Variants in METTL15 observed in about 807,000 individuals in gnomAD.
The protein encoded by METTL15 is 12S rRNA N(4)-cytidine methyltransferase METTL15.
METTL15 carries 34 observed loss-of-function variants against 38.3 expected under a neutral mutation model. That is an observed-to-expected ratio of 0.89 (90% CI 0.68 to 1.18). The LOEUF is 1.18. Ranked by LOEUF, METTL15 falls within the 50% of genes most tolerant of loss-of-function variation. The probability of loss-of-function intolerance (pLI) is 0.00; values close to 1 mark genes in which losing one functional copy is unlikely to be tolerated. For missense variants in METTL15, 438 were observed against 498.4 expected (o/e 0.88, Z 1.15); for synonymous variants, 162 against 170.9 (o/e 0.95, Z 0.41).
chr11:28,486,300 C>T (rs957316692), intron 6 of METTL15, among the ~76,000 whole-genome samples: 4 of 151,946 alleles, frequency 2.6e-5, no homozygotes, highest in Non-Finnish European at 4.4e-5. Flanking sequence ...TGGGAGCCTT[C>T]GGTAGTCCTG....
chr11:28,175,960 A>T (rs529255042), intron 3 of METTL15, among the ~76,000 whole-genome samples: 1 of 152,088 alleles, frequency 6.6e-6, no homozygotes, highest in African/African-American at 2.4e-5. Context: ...TGATGAGATG[A>T]TACTATAATC....
intron 4 of METTL15, among the ~76,000 whole-genome samples, chr11:28,262,419 C>G (rs1855243749): frequency 6.6e-6 from 1 of 150,990 alleles, no homozygotes; most frequent in Non-Finnish European, 1.5e-5. Flanking sequence ...ATGCTATATA[C>G]ACAGATATGT....
intron 6 of METTL15, among the ~76,000 whole-genome samples, chr11:28,475,795 A>G (rs570554073): frequency 6.6e-6 from 1 of 152,278 alleles, no homozygotes; most frequent in East Asian, 1.9e-4. Context: ...TCCAGATCAC[A>G]CTCAGTTACC....
intron 6 of METTL15, among the ~76,000 whole-genome samples, chr11:28,426,161 A>G (rs939670952): frequency 6.6e-6 from 1 of 151,976 alleles, no homozygotes; most frequent in Non-Finnish European, 1.5e-5. Context: ...ATGTGTTCTC[A>G]TAGTTCACCT....
chr11:28,430,147 G>C (rs1437012790), intron 6 of METTL15, among the ~76,000 whole-genome samples: 1 of 151,628 alleles, frequency 6.6e-6, no homozygotes, highest in East Asian at 2.0e-4. Flanking sequence ...GAAGTGAGGA[G>C]CCCCTCCGCC....
intron 5 of METTL15, among the ~76,000 whole-genome samples, chr11:28,423,808 A>G (rs1173268539): frequency 6.6e-6 from 1 of 152,012 alleles, no homozygotes; most frequent in Non-Finnish European, 1.5e-5. Context: ...CAACAGGATG[A>G]CTGTAATTAA....
intron 5 of METTL15, among the ~76,000 whole-genome samples, chr11:28,399,768 A>T (rs1384795539): frequency 6.6e-6 from 1 of 151,932 alleles, no homozygotes; most frequent in African/African-American, 2.4e-5. Flanking sequence ...ATAAAATTTT[A>T]AAAAATCTTT....
intron 5 of METTL15, among the ~76,000 whole-genome samples, chr11:28,409,410 T>C (rs1284997142): frequency 7.4e-6 from 1 of 135,374 alleles, no homozygotes; most frequent in Non-Finnish European, 1.6e-5. Context: ...AAAAAAGGAA[T>C]ATTTATATCA....
At chr11:28,435,614 A>G (rs1271335960) in intron 6 of METTL15, among the ~76,000 whole-genome samples, 2 of 152,188 alleles carry the variant, frequency 1.3e-5, no homozygotes, top group South Asian at 2.1e-4. Context: ...ATGTCTCTCT[A>G]CAAGTGTGAG....
intron 6 of METTL15, among the ~76,000 whole-genome samples, chr11:28,437,542 A>G (rs1850994256): frequency 6.6e-6 from 1 of 152,178 alleles, no homozygotes; most frequent in African/African-American, 2.4e-5. Flanking sequence ...ACACTTTCTC[A>G]AATATTATAT....
intron 6 of METTL15, among the ~76,000 whole-genome samples, chr11:28,492,885 G>T (rs1851508011): frequency 6.6e-6 from 1 of 152,082 alleles, no homozygotes; most frequent in South Asian, 2.1e-4. Context: ...AATGAAGTAG[G>T]CATATTATTT....
At chr11:28,532,255 G>C in the METTL15 span, among the ~76,000 whole-genome samples, 7 of 152,138 alleles carry the variant, frequency 4.6e-5, no homozygotes, top group African/African-American at 1.7e-4. Context: ...GTGTTGGTGA[G>C]ATCAGCAACC....
At chr11:28,268,196 C>CAAAAAAAAAA (rs71050954) in intron 4 of METTL15, among the ~76,000 whole-genome samples, 1 of 64,162 alleles carries the variant, frequency 1.6e-5, no homozygotes, top group Non-Finnish European at 2.6e-5. Flanking sequence ...GACTCCGTCT[C>CAAAAAAAAAA]AAAAAAAAAA....
chr11:28,237,830 C>T (rs921573213), intron 4 of METTL15, among the ~76,000 whole-genome samples: 5 of 152,144 alleles, frequency 3.3e-5, no homozygotes, highest in Non-Finnish European at 7.4e-5. Flanking sequence ...CAGACAGGAC[C>T]CTCAGCTGCA....
intron 3 of METTL15, among the ~76,000 whole-genome samples, chr11:28,161,095 G>A (rs1590839199): frequency 7.2e-6 from 1 of 138,582 alleles, no homozygotes; most frequent in Non-Finnish European, 1.5e-5. Flanking sequence ...ATAGTCAGAT[G>A]TTTGCACCTT....
intron 6 of METTL15, among the ~76,000 whole-genome samples, chr11:28,320,267 C>CTT (rs1281652478): frequency 6.8e-6 from 1 of 146,956 alleles, no homozygotes; most frequent in Non-Finnish European, 1.5e-5. Context: ...TAGAGCCGTG[C>CTT]TTAAAAAGTA....
chr11:28,375,965 A>G (rs1045779305), intron 5 of METTL15, among the ~76,000 whole-genome samples: 10 of 151,988 alleles, frequency 6.6e-5, no homozygotes, highest in Admixed American at 6.6e-5. Context: ...GTTTCCATGT[A>G]GTTGAGTGGT....
rs1849821661 is a variant in METTL15, at chr11:28,331,740, G to C, written c.*899G>C. 6.6e-6 allele frequency: 1 copy of C among 152,168 alleles called. No homozygotes were observed. The highest frequency in any genetic ancestry group is 1.5e-5 in the Non-Finnish European group (1 of 68,016). 9.4% of individuals were successfully genotyped at this position (152,168 alleles called of 1,614,324 possible). On this transcript the variant is annotated 3_prime_UTR_variant, in exon 7 of 7. Coordinates refer to ENST00000407364, the MANE Select transcript of METTL15 (RefSeq NM_001113528.2). The stretch of plus-strand genomic sequence containing the variant: ...AAGTTTATTCAAGAAAAGAGTACTT[G>C]GTAGAAGATTCTTTAACAAATTGAG...
intron 6 of METTL15, among the ~76,000 whole-genome samples, chr11:28,308,606 A>G (rs1857160651): frequency 6.6e-6 from 1 of 152,168 alleles, no homozygotes; most frequent in Non-Finnish European, 1.5e-5. Flanking sequence ...TAAGTTTCTT[A>G]TTCTCCTTTA....
Sources: gnomAD v4.1 joint callset for allele counts (sites outside exome capture counted in the v4.1 genomes callset) on GRCh38, gnomAD v4.1.1 for gene constraint, MANE v1.5 for transcripts, NCBI Gene and HGNC (gene_info 2026-07-23, HGNC 2026-07-21) for gene names.